The following RALGPS1 variants were observed in gnomAD, a reference collection of about 807,000 sequenced individuals.
RALGPS1 encodes the protein Ral GEF with PH domain and SH3 binding motif 1, also known as ras-specific guanine nucleotide-releasing factor RalGPS1.
A neutral mutation model predicts 78.8 loss-of-function variants in RALGPS1; 19 were observed. The ratio of observed to expected loss-of-function variants is 0.24; its 90% CI spans 0.17 to 0.35. The LOEUF is 0.35. Among genes scored for constraint, RALGPS1 ranks in the 10% least tolerant of loss-of-function variants. The probability of loss-of-function intolerance (pLI) is 1.00; values close to 1 mark genes in which losing one functional copy is unlikely to be tolerated. For missense variants in RALGPS1, 454 were observed against 688.3 expected, an observed-to-expected ratio of 0.66 and a Z score of 3.81; for synonymous variants, 228 against 256.3, an observed-to-expected ratio of 0.89 and a Z score of 1.06.
chr9:126,999,896 T>C (rs1161650158), intron 4 of RALGPS1, among the ~76,000 whole-genome samples: 1 of 152,282 alleles, frequency 6.6e-6, no homozygotes, highest in Non-Finnish European at 1.5e-5. Flanking sequence ...ATTTAGTTTC[T>C]CTAACTATTC....
At chr9:127,073,369 AC>A (rs1173165947) in intron 8 of RALGPS1, among the ~76,000 whole-genome samples, 1 of 151,984 alleles carries the variant, frequency 6.6e-6, no homozygotes, top group Non-Finnish European at 1.5e-5. Context: ...ATTTCACTTA[AC>A]ATAGTGACCT....
At chr9:127,025,905 A>G (rs1166515755) in intron 4 of RALGPS1, among the ~76,000 whole-genome samples, 6 of 151,892 alleles carry the variant, frequency 4.0e-5, no homozygotes, top group East Asian at 1.9e-4. Context: ...GGGTTGCACT[A>G]TATTGCCAGG....
chr9:127,148,647 TG>T (rs1356276168), intron 8 of RALGPS1, among the ~76,000 whole-genome samples: 1 of 151,882 alleles, frequency 6.6e-6, no homozygotes, highest in Non-Finnish European at 1.5e-5. Flanking sequence ...GCCAGTGGGG[TG>T]GGTGTTCAAA....
chr9:127,052,584 G>A (rs147814249), intron 6 of RALGPS1, among the ~76,000 whole-genome samples: 91 of 152,338 alleles, frequency 6.0e-4, no homozygotes, highest in African/African-American at 2.1e-3. Flanking sequence ...AAGAAAGAAC[G>A]TAATGCACAC....
intron 8 of RALGPS1, among the ~76,000 whole-genome samples, chr9:127,097,148 G>T (rs187126520): frequency 7.2e-5 from 11 of 152,318 alleles, no homozygotes; most frequent in African/African-American, 2.4e-4. Flanking sequence ...ACAGTTCTTT[G>T]TCGAGGTGTA....
chr9:126,923,707 G>A (rs1423328825), intron 1 of RALGPS1, among the ~76,000 whole-genome samples: 1 of 152,164 alleles, frequency 6.6e-6, no homozygotes, highest in African/African-American at 2.4e-5. Flanking sequence ...CACCTGGGCT[G>A]GAGTGCAGTG....
At chr9:127,216,401 G>A (rs1274867995) in intron 18 of RALGPS1, among the ~76,000 whole-genome samples, 2 of 152,210 alleles carry the variant, frequency 1.3e-5, no homozygotes, top group African/African-American at 4.8e-5. Context: ...ATAGGGATGT[G>A]TACACACATG....
At chr9:127,039,828 AG>A (rs2134900555) in intron 5 of RALGPS1, among the ~76,000 whole-genome samples, 2 of 152,238 alleles carry the variant, frequency 1.3e-5, no homozygotes, top group African/African-American at 4.8e-5. Flanking sequence ...GTTTGGGGAA[AG>A]CTTGAAAAAA....
In RALGPS1 at chr9:127,183,979, G is replaced by T; in HGVS notation, c.910+9197G>T. 6.5e-7 allele frequency: 1 copy of T among 1,550,120 alleles called. No individual in the cohort carries two copies. Among genetic ancestry groups the T allele is most frequent in the Non-Finnish European group, 8.7e-7 (1 of 1,146,918 alleles). On this transcript the variant is annotated intron_variant, in intron 11 of 18. Transcript: ENST00000259351. This position sits in a 1 kb window ranked among gnomAD's most constrained non-coding sequence, Gnocchi z 4.0. ...GGCCCAGCTCCTCACGAGTACCAGC[G>T]GCTCCCCCAGCATCTGCTGCTCCGC...
intron 1 of RALGPS1, among the ~76,000 whole-genome samples, chr9:126,934,773 GCTTA>G (rs2036111373): frequency 6.6e-6 from 1 of 152,056 alleles, no homozygotes; most frequent in Non-Finnish European, 1.5e-5. Flanking sequence ...CAACAGCTGG[GCTTA>G]CTTGGGCAAC....
chr9:127,046,306 T>C (rs1046704487), intron 5 of RALGPS1, among the ~76,000 whole-genome samples: 2 of 152,200 alleles, frequency 1.3e-5, no homozygotes, highest in African/African-American at 4.8e-5. Flanking sequence ...GCTTAGTGAC[T>C]TCCTTGCAGA....
intron 11 of RALGPS1, among the ~76,000 whole-genome samples, chr9:127,191,417 G>A (rs2061024821): frequency 6.6e-6 from 1 of 152,018 alleles, no homozygotes; most frequent in Non-Finnish European, 1.5e-5. Context: ...TTTTCCACAT[G>A]GAACCCAGTG....
chr9:127,033,279 A>G (rs1447986806), intron 4 of RALGPS1, among the ~76,000 whole-genome samples: 1 of 152,102 alleles, frequency 6.6e-6, no homozygotes, highest in Admixed American at 6.5e-5. Context: ...TGTGACCAGG[A>G]GCTGCTGTTG....
At chr9:126,960,987 G>GCCGC (rs2038856381) in intron 1 of RALGPS1, among the ~76,000 whole-genome samples, 1 of 152,038 alleles carries the variant, frequency 6.6e-6, no homozygotes, top group Admixed American at 6.6e-5. Flanking sequence ...CAGCTCAGGG[G>GCCGC]CCCTTCCTTA....
chr9:127,091,991 C>T lies in RALGPS1; in HGVS notation c.610+22635C>T. 6.3e-7 allele frequency: 1 copy of T among 1,590,646 alleles called. No homozygotes were observed. The highest frequency in any genetic ancestry group is 1.2e-5 in the South Asian group (1 of 86,950). ...ATGTGGAGCCTGCAGCACCTGCAGC[C>T]AGCAGGCTTGGCTGTCAGACACTCA... On this transcript the variant is annotated intron_variant, in intron 8 of 18. Coordinates refer to ENST00000259351, the MANE Select transcript of RALGPS1 (RefSeq NM_014636.3). The surrounding 1 kb of genome is among the most constrained non-coding windows in gnomAD (Gnocchi z 4.3).
chr9:126,944,104 C>G (rs1027130254), intron 1 of RALGPS1, among the ~76,000 whole-genome samples: 2 of 152,226 alleles, frequency 1.3e-5, no homozygotes, highest in Admixed American at 1.3e-4. Context: ...GTGTCTGGGT[C>G]CCTTACCATC....
At chr9:127,187,675 C>T (rs2060739163) in intron 11 of RALGPS1, among the ~76,000 whole-genome samples, 1 of 152,198 alleles carries the variant, frequency 6.6e-6, no homozygotes, top group Non-Finnish European at 1.5e-5. Flanking sequence ...GCCAGAGTGA[C>T]TCAGGCAGTG....
intron 8 of RALGPS1, chr9:127,088,705 T>G (rs1196535093): frequency 1.7e-6 from 1 of 581,740 alleles, no homozygotes; most frequent in Non-Finnish European, 3.1e-6. Flanking sequence ...TGTAGTCCTG[T>G]CCTGTCCTGG....
At chr9:126,999,379 T>C (rs1373737339) in intron 4 of RALGPS1, among the ~76,000 whole-genome samples, 2 of 152,208 alleles carry the variant, frequency 1.3e-5, no homozygotes, top group Non-Finnish European at 2.9e-5. Flanking sequence ...CGTGGTGTTG[T>C]GCATTCTATC....
Sources: gnomAD v4.1 joint callset for allele counts (sites outside exome capture counted in the v4.1 genomes callset) on GRCh38, gnomAD v4.1.1 for gene constraint, Gnocchi (gnomAD v3.1) non-coding constraint, MANE v1.5 for transcripts, NCBI Gene and HGNC (gene_info 2026-07-23, HGNC 2026-07-21) for gene names.